Variants in ARHGAP32 observed in about 807,000 individuals in gnomAD.
ARHGAP32 encodes the protein Rho GTPase activating protein 32.
ARHGAP32 carries 51 observed loss-of-function variants against 186.5 expected under a neutral mutation model. The ratio of observed to expected loss-of-function variants is 0.27; its 90% CI spans 0.22 to 0.35. The LOEUF (loss-of-function observed/expected upper bound fraction) is 0.35. Ranked by LOEUF, ARHGAP32 falls within the 10% of genes least tolerant of loss-of-function variation. The pLI is 1.00. For missense variants in ARHGAP32, 2,186 were observed against 2,623.5 expected, an observed-to-expected ratio of 0.83 and a Z score of 3.64; for synonymous variants, 950 against 964.3, an observed-to-expected ratio of 0.99 and a Z score of 0.27.
chr11:129,172,878 T>C (rs1943798260), intron 1 of ARHGAP32, among the ~76,000 whole-genome samples: 1 of 150,100 alleles, frequency 6.7e-6, no homozygotes, highest in African/African-American at 2.5e-5. Context: ...AACATCACAA[T>C]TAAAAGAGCT....
chr11:129,028,091 A>C (rs1938942504), intron 11 of ARHGAP32, among the ~76,000 whole-genome samples: 1 of 152,250 alleles, frequency 6.6e-6, no homozygotes. Flanking sequence ...ATTACCAATC[A>C]AGAACTGTTT....
At chr11:129,183,097 T>C (rs1007318145) in intron 1 of ARHGAP32, among the ~76,000 whole-genome samples, 1 of 152,158 alleles carries the variant, frequency 6.6e-6, no homozygotes, top group Non-Finnish European at 1.5e-5. Context: ...GTACATATCA[T>C]CTCCATTAGC....
At chr11:129,195,788 T>C (rs1944383327), upstream of ARHGAP32, among the ~76,000 whole-genome samples, 1 of 152,166 alleles carries the variant, frequency 6.6e-6, no homozygotes, top group Non-Finnish European at 1.5e-5. Flanking sequence ...TCTCCAGTAG[T>C]AAATGAAAAT....
chr11:128,989,869 G>A (rs1033774520), intron 12 of ARHGAP32, among the ~76,000 whole-genome samples: 1 of 152,162 alleles, frequency 6.6e-6, no homozygotes, highest in East Asian at 1.9e-4. Flanking sequence ...CTTCATCCAT[G>A]TCCCTGCAAA....
intron 6 of ARHGAP32, among the ~76,000 whole-genome samples, chr11:129,084,308 C>T (rs894589828): frequency 1.3e-5 from 2 of 151,084 alleles, no homozygotes; most frequent in Admixed American, 1.3e-4. Context: ...CCAACATTTT[C>T]CTAAGACCAA....
At chr11:129,250,329 G>C (rs1047348383) in intron 1 of ARHGAP32, among the ~76,000 whole-genome samples, 1 of 152,146 alleles carries the variant, frequency 6.6e-6, no homozygotes, top group Admixed American at 6.6e-5. Flanking sequence ...GATTTTGTTG[G>C]TGTCTATTTT....
chr11:129,275,160 C>G (rs1276969190), intron 1 of ARHGAP32, among the ~76,000 whole-genome samples: 1 of 152,146 alleles, frequency 6.6e-6, no homozygotes, highest in African/African-American at 2.4e-5. Flanking sequence ...AATTCTATAG[C>G]AAACAGCATA....
chr11:129,082,724 G>A (rs1941256223), intron 6 of ARHGAP32, among the ~76,000 whole-genome samples: 1 of 151,916 alleles, frequency 6.6e-6, no homozygotes, highest in Non-Finnish European at 1.5e-5. Context: ...AAAAGCAAAT[G>A]AAACAAAAAC....
intron 1 of ARHGAP32, among the ~76,000 whole-genome samples, chr11:129,182,174 T>G (rs892850551): frequency 6.6e-6 from 1 of 152,146 alleles, no homozygotes; most frequent in East Asian, 1.9e-4. Context: ...CCCCTACTGA[T>G]GAGTACTTGA....
intron 6 of ARHGAP32, among the ~76,000 whole-genome samples, chr11:129,068,367 T>C (rs568376174): frequency 1.3e-5 from 2 of 152,148 alleles, no homozygotes; most frequent in African/African-American, 4.8e-5. Context: ...ATGTTAGCTC[T>C]TTCTTTGATG....
chr11:129,048,105 G>C (rs1233976222), intron 10 of ARHGAP32, among the ~76,000 whole-genome samples: 1 of 149,844 alleles, frequency 6.7e-6, no homozygotes, highest in Non-Finnish European at 1.5e-5. Context: ...TCCCCCAAAA[G>C]CACAACATTG....
chr11:128,972,231 G>C (rs1214432005), intron 22 of ARHGAP32: 5 of 352,090 alleles, frequency 1.4e-5, no homozygotes, highest in Admixed American at 4.2e-5. Context: ...AGCAGGTACA[G>C]TTAAGCTATA....
At chr11:129,159,774 T>A (rs2439790) in intron 2 of ARHGAP32, among the ~76,000 whole-genome samples, 97,300 of 151,858 alleles carry the variant, frequency 0.64, 31,589 homozygotes, top group Non-Finnish European at 0.7. Flanking sequence ...ACAAAAAAAC[T>A]AAATTTCAGG....
intron 10 of ARHGAP32, among the ~76,000 whole-genome samples, chr11:129,051,979 A>G (rs373683932): frequency 0.052 from 6,442 of 124,570 alleles, 231 homozygotes; most frequent in Non-Finnish European, 0.076. Flanking sequence ...AAAAAAAAAA[A>G]AGAGACATCT....
At chr11:129,147,422 T>C (rs1943189049) in intron 2 of ARHGAP32, among the ~76,000 whole-genome samples, 1 of 152,090 alleles carries the variant, frequency 6.6e-6, no homozygotes, top group African/African-American at 2.4e-5. Flanking sequence ...GATTTAAAAA[T>C]TGTAGGAAAA....
At chr11:129,271,249 A>G (rs902402028) in intron 1 of ARHGAP32, among the ~76,000 whole-genome samples, 8 of 152,064 alleles carry the variant, frequency 5.3e-5, no homozygotes, top group Admixed American at 2.6e-4. Flanking sequence ...CAGACGACAA[A>G]GCCTACTAGC....
In ARHGAP32 at chr11:128,970,095, G is replaced by A. The variant is rs745526848; in HGVS notation, c.5118C>T (p.Tyr1706=). 1.2e-6 allele frequency: 2 copies of A among 1,614,082 alleles called. No individual in the cohort carries two copies. Among genetic ancestry groups the A allele is most frequent in the East Asian group, 2.2e-5 (1 of 44,892 alleles). ...AGCTCTTTCCTTGCAGCCTAGGATT[G>A]TAGAAAGCAAAGTCTCGATTGGGAA... ...HRLPNRDFAF[Y]NPRLQGKSLY... is the part of the protein sequence containing the mutation. Residue 1706 remains tyrosine, a synonymous_variant, in exon 23 of 23, where the codon TAC becomes TAT. Transcript: ENST00000682385. The surrounding 1 kb of genome is among the most constrained non-coding windows in gnomAD (Gnocchi z 5.8).
chr11:128,968,796 A>G lies in ARHGAP32; in HGVS notation c.*111T>C. The G allele has an allele frequency of 1.2e-6, 1 of 857,958 alleles. No homozygotes were observed. The highest frequency in any genetic ancestry group is 1.6e-6 in the Non-Finnish European group (1 of 626,360). 53.1% of individuals were successfully genotyped at this position (857,958 alleles called of 1,614,324 possible). On this transcript the variant is annotated 3_prime_UTR_variant, in exon 23 of 23. Coordinates refer to ENST00000682385, the MANE Select transcript of ARHGAP32 (RefSeq NM_001378024.1). ...TGTTTACTTTTATTATCATTTTTTA[A>G]ATGTGGTCAGGGGTTTTATAGTATT...
chr11:129,046,809 T>C (rs923902239), intron 10 of ARHGAP32, among the ~76,000 whole-genome samples: 2 of 152,080 alleles, frequency 1.3e-5, no homozygotes, highest in African/African-American at 2.4e-5. Context: ...ATAACGATCA[T>C]GTGCTTATCG....
Sources: allele counts gnomAD v4.1 joint callset (sites outside exome capture counted in the v4.1 genomes callset), GRCh38; gene constraint gnomAD v4.1.1; non-coding constraint Gnocchi (gnomAD v3.1); transcripts MANE v1.5; gene names NCBI Gene and HGNC (gene_info 2026-07-23, HGNC 2026-07-21).